The following CTNNA2 variants were observed in gnomAD, a reference collection of about 807,000 sequenced individuals.
The protein encoded by CTNNA2 is catenin alpha 2.
Under a neutral mutation model 101.0 loss-of-function variants are expected in CTNNA2, and 42 were observed. The ratio of observed to expected loss-of-function variants is 0.42; its 90% CI spans 0.32 to 0.54. The LOEUF (loss-of-function observed/expected upper bound fraction) is 0.54. Among genes scored for constraint, CTNNA2 ranks in the 20% least tolerant of loss-of-function variants. The pLI is 0.14. For missense variants in CTNNA2, 871 were observed against 1,223.1 expected, an observed-to-expected ratio of 0.71 and a Z score of 4.29; for synonymous variants, 450 against 456.4, an observed-to-expected ratio of 0.99 and a Z score of 0.18.
intron 11 of CTNNA2, among the ~76,000 whole-genome samples, chr2:80,549,387 C>A (rs13425390): frequency 0.063 from 9,593 of 151,940 alleles, 987 homozygotes; most frequent in African/African-American, 0.22. Flanking sequence ...AAAAATTCAC[C>A]GTGAACTTTA....
At chr2:79,923,907 G>C (rs1301278196) in intron 7 of CTNNA2, among the ~76,000 whole-genome samples, 3 of 152,044 alleles carry the variant, frequency 2.0e-5, no homozygotes, top group African/African-American at 7.2e-5. Context: ...CAGAATGAAA[G>C]TTCTACAAAA....
intron 3 of CTNNA2, among the ~76,000 whole-genome samples, chr2:79,327,208 G>A (rs1431855938): frequency 6.6e-6 from 1 of 152,186 alleles, no homozygotes; most frequent in Non-Finnish European, 1.5e-5. Context: ...TGCATAACAT[G>A]TATGGAATAC....
At chr2:80,055,572 G>T (rs1697164713) in intron 7 of CTNNA2, among the ~76,000 whole-genome samples, 1 of 152,090 alleles carries the variant, frequency 6.6e-6, no homozygotes, top group Admixed American at 6.6e-5. Flanking sequence ...TAATAATCCA[G>T]ATTTCCAATG....
chr2:79,336,998 C>A lies in CTNNA2; in HGVS notation c.-318+24202C>A, dbSNP rs540365262. Reference sequence around the variant, plus strand: ...AGATCAAGCCTGCTTCTCTAGCCCTCTCATTCATTCTATAAACACCTTGAT... The same window carrying A: ...AGATCAAGCCTGCTTCTCTAGCCCTATCATTCATTCTATAAACACCTTGAT... On this transcript the variant is annotated intron_variant, in intron 3 of 21. Coordinates refer to the CTNNA2 transcript ENST00000466387. Among the ~76,000 whole-genome samples, 4 of 152,262 alleles carry A rather than the reference C, an allele frequency of 2.6e-5. 1 individual carries two copies. The East Asian group carries it at 7.7e-4, about 29-fold the overall frequency.
At chr2:79,490,966 G>A (rs1671202483) in intron 4 of CTNNA2, among the ~76,000 whole-genome samples, 1 of 152,116 alleles carries the variant, frequency 6.6e-6, no homozygotes, top group South Asian at 2.1e-4. Context: ...TATATGCATT[G>A]TCATGGCACA....
intron 7 of CTNNA2, among the ~76,000 whole-genome samples, chr2:80,159,339 G>A (rs1704172351): frequency 6.6e-6 from 1 of 152,134 alleles, no homozygotes; most frequent in Non-Finnish European, 1.5e-5. Flanking sequence ...TTCCAGATTA[G>A]CTGTAACATT....
At chr2:79,436,324 A>T (rs552353044) in intron 4 of CTNNA2, among the ~76,000 whole-genome samples, 1 of 152,304 alleles carries the variant, frequency 6.6e-6, no homozygotes, top group East Asian at 1.9e-4. Context: ...AAGACAATAG[A>T]TGGAGCAGGT....
chr2:80,589,307 A>G lies in CTNNA2; in HGVS notation c.2011A>G (p.Ile671Val). Residue 671 changes from isoleucine to valine, a missense_variant, in exon 15 of 19, where the codon ATC (isoleucine) becomes GTC (valine). This residue lies in a region of CTNNA2 where 93 missense variants were observed against 223.7 expected (regional missense o/e 0.42). Coordinates refer to ENST00000402739, the MANE Select transcript of CTNNA2 (RefSeq NM_001282597.3). ...QLIAGQSARA[I>V]MAQLPQEEKA... ...GCTTTTTCTGTAACCCACGCAGGCC[A>G]TCATGGCGCAACTACCGCAGGAGGA... 6.2e-7 allele frequency: 1 copy of G among 1,614,018 alleles called. No individual in the cohort carries two copies. The highest frequency in any genetic ancestry group is 8.5e-7 in the Non-Finnish European group (1 of 1,179,934).
chr2:79,516,517 A>G (rs564503214), intron 1 of CTNNA2, among the ~76,000 whole-genome samples: 16 of 152,252 alleles, frequency 1.1e-4, no homozygotes, highest in African/African-American at 3.4e-4. Flanking sequence ...TAGAGAGACT[A>G]TTTACTGGAA....
chr2:80,556,826 T>G (rs1034334612), intron 12 of CTNNA2, among the ~76,000 whole-genome samples: 2 of 152,192 alleles, frequency 1.3e-5, no homozygotes, highest in East Asian at 1.9e-4. Context: ...TGCATATATA[T>G]GCACAGAAGG....
intron 7 of CTNNA2, among the ~76,000 whole-genome samples, chr2:80,332,199 AACTC>A (rs1459951262): frequency 6.6e-6 from 1 of 152,170 alleles, no homozygotes; most frequent in African/African-American, 2.4e-5. Flanking sequence ...TAAACAAACA[AACTC>A]ACTCACTGTT....
chr2:80,071,639 C>T (rs1558779520), intron 7 of CTNNA2, among the ~76,000 whole-genome samples: 1 of 152,218 alleles, frequency 6.6e-6, no homozygotes, highest in African/African-American at 2.4e-5. Flanking sequence ...CAGGCCCTTA[C>T]ATCCAATAAA....
At chr2:80,347,666 G>C (rs941574491) in intron 7 of CTNNA2, among the ~76,000 whole-genome samples, 42 of 144,050 alleles carry the variant, frequency 2.9e-4, no homozygotes, top group African/African-American at 1.0e-3. Context: ...TGGATACTTA[G>C]CTGTTGACAC....
intron 7 of CTNNA2, among the ~76,000 whole-genome samples, chr2:79,917,270 A>G (rs1216024256): frequency 1.3e-5 from 2 of 150,472 alleles, no homozygotes; most frequent in African/African-American, 4.9e-5. Flanking sequence ...GGGTTTCAGC[A>G]TGTTGGCCAG....
chr2:80,490,285 C>CG (rs758200774), intron 9 of CTNNA2, among the ~76,000 whole-genome samples: 1,962 of 83,178 alleles, frequency 0.024, 23 homozygotes, highest in Middle Eastern at 0.05. Context: ...CCCCCACCCC[C>CG]CCCCCGGTAA....
At chr2:80,545,200 T>A in intron 10 of CTNNA2, 126 bp downstream of exon 10, 1 of 846,062 alleles carries the variant, frequency 1.2e-6, no homozygotes, top group Non-Finnish European at 1.8e-6. Context: ...ATGAGCTGTT[T>A]CAAGTTCTAC....
chr2:79,707,593 G>A (rs1194554753), intron 2 of CTNNA2, among the ~76,000 whole-genome samples: 1 of 152,078 alleles, frequency 6.6e-6, no homozygotes, highest in African/African-American at 2.4e-5. Context: ...TTCTGCAGTG[G>A]CATCCTTTGT....
intron 1 of CTNNA2, among the ~76,000 whole-genome samples, chr2:79,638,532 C>A (rs1446051244): frequency 6.6e-6 from 1 of 152,086 alleles, no homozygotes; most frequent in East Asian, 1.9e-4. Context: ...ACTCATAATT[C>A]AATTGAAAGG....
intron 7 of CTNNA2, among the ~76,000 whole-genome samples, chr2:80,226,231 G>A (rs1011403469): frequency 6.6e-6 from 1 of 152,138 alleles, no homozygotes; most frequent in Non-Finnish European, 1.5e-5. Flanking sequence ...TCTCTTAATA[G>A]GCCTGTGATT....
Sources: allele counts gnomAD v4.1 joint callset (sites outside exome capture counted in the v4.1 genomes callset), GRCh38; gene constraint gnomAD v4.1.1; regional missense constraint gnomAD v4.1.1; transcripts MANE v1.5; gene names NCBI Gene and HGNC (gene_info 2026-07-23, HGNC 2026-07-21).